The following CADM2 variants were observed in gnomAD, a reference collection of about 807,000 sequenced individuals.
The protein encoded by CADM2 is cell adhesion molecule 2, also known as immunoglobulin superfamily member 4D.
CADM2 carries 12 observed loss-of-function variants against 49.8 expected under a neutral mutation model. The observed-to-expected ratio is 0.24, with a 90% CI of 0.15 to 0.39. CADM2 has a LOEUF of 0.39. Ranked by LOEUF, CADM2 falls within the 10% of genes least tolerant of loss-of-function variation. The pLI, the probability that CADM2 is intolerant of heterozygous loss-of-function variation, is 1.00. For missense variants in CADM2, 378 were observed against 492.3 expected, an observed-to-expected ratio of 0.77 and a Z score of 2.20; for synonymous variants, 214 against 175.4, an observed-to-expected ratio of 1.22 and a Z score of -1.74.
At chr3:84,996,862 T>A (rs1426497141) in intron 1 of CADM2, among the ~76,000 whole-genome samples, 1 of 152,080 alleles carries the variant, frequency 6.6e-6, no homozygotes, top group Non-Finnish European at 1.5e-5. Flanking sequence ...TCCTTACAAA[T>A]AAGTTGAATT....
intron 1 of CADM2, among the ~76,000 whole-genome samples, chr3:85,347,896 C>T (rs1003933422): frequency 2.6e-5 from 4 of 151,632 alleles, no homozygotes; most frequent in South Asian, 2.1e-4. Flanking sequence ...CAAGCTCCGC[C>T]TCCTAGGTTC....
intron 1 of CADM2, among the ~76,000 whole-genome samples, chr3:85,102,223 A>T (rs527385963): frequency 6.6e-6 from 1 of 152,270 alleles, no homozygotes; most frequent in South Asian, 2.1e-4. Flanking sequence ...CAATACTGTG[A>T]CATTTCCGTT....
At chr3:85,394,265 G>GT (rs1409628504) in intron 1 of CADM2, among the ~76,000 whole-genome samples, 5 of 151,770 alleles carry the variant, frequency 3.3e-5, no homozygotes, top group Non-Finnish European at 7.4e-5. Flanking sequence ...ACATTTTTGA[G>GT]TTTTCCATTG....
chr3:86,017,397 T>C (rs1321889305), intron 8 of CADM2, among the ~76,000 whole-genome samples: 1 of 152,058 alleles, frequency 6.6e-6, no homozygotes, highest in Non-Finnish European at 1.5e-5. Context: ...AAAATATTTT[T>C]ACTTGATCAT....
At chr3:85,843,781 A>C (rs540342960) in intron 3 of CADM2, among the ~76,000 whole-genome samples, 1 of 152,228 alleles carries the variant, frequency 6.6e-6, no homozygotes, top group East Asian at 1.9e-4. Context: ...AGAAGCTAAA[A>C]CACCAGGAGA....
chr3:85,557,249 A>G (rs2061982568), intron 1 of CADM2, among the ~76,000 whole-genome samples: 1 of 152,072 alleles, frequency 6.6e-6, no homozygotes, highest in Non-Finnish European at 1.5e-5. Flanking sequence ...ATTTATGTGT[A>G]TGTAGATACA....
intron 1 of CADM2, among the ~76,000 whole-genome samples, chr3:85,722,005 C>A (rs769018153): frequency 6.6e-6 from 1 of 152,120 alleles, no homozygotes; most frequent in Non-Finnish European, 1.5e-5. Flanking sequence ...TTCCTGTCTA[C>A]GGGCAGGTTG....
intron 1 of CADM2, among the ~76,000 whole-genome samples, chr3:85,677,257 G>T (rs1423369934): frequency 6.6e-6 from 1 of 152,070 alleles, no homozygotes; most frequent in African/African-American, 2.4e-5. Flanking sequence ...TGATAAGTCA[G>T]GAACTTGAAT....
intron 8 of CADM2, among the ~76,000 whole-genome samples, chr3:86,032,458 G>A (rs896211202): frequency 4.0e-5 from 6 of 151,860 alleles, no homozygotes; most frequent in Middle Eastern, 3.4e-3. Context: ...GTATCAGAAA[G>A]CAATAGCTAA....
chr3:85,936,607 C>A lies in CADM2; in HGVS notation c.791+750C>A, dbSNP rs577893582. Among the ~76,000 whole-genome samples the A allele has an allele frequency of 1.6e-3, 235 of 151,600 alleles. 1 individual carries two copies. The highest frequency in any genetic ancestry group is 2.5e-3 in the Non-Finnish European group (169 of 67,666). On this transcript the variant is annotated intron_variant, in intron 7 of 9. Coordinates refer to ENST00000383699, the MANE Select transcript of CADM2 (RefSeq NM_001167675.2). ...TAAAAGATTCCAATTTATTTTAATT[C>A]TGTTTAAATTTTAATAGAAGGAATT...
intron 1 of CADM2, among the ~76,000 whole-genome samples, chr3:85,695,823 G>A (rs1174279920): frequency 6.6e-6 from 1 of 152,058 alleles, no homozygotes; most frequent in Non-Finnish European, 1.5e-5. Context: ...AGTTCTTTGA[G>A]AAATCTCCAT....
At chr3:85,162,670 A>G (rs1215338306) in intron 1 of CADM2, among the ~76,000 whole-genome samples, 5 of 152,140 alleles carry the variant, frequency 3.3e-5, no homozygotes, top group Non-Finnish European at 7.4e-5. Flanking sequence ...ACTGTTATTA[A>G]CATAGTATTT....
chr3:85,637,015 T>A (rs1202374631), intron 1 of CADM2, among the ~76,000 whole-genome samples: 1 of 152,202 alleles, frequency 6.6e-6, no homozygotes, highest in Non-Finnish European at 1.5e-5. Context: ...TATCCCATTA[T>A]AATCTTTCTT....
chr3:85,338,240 A>G (rs908902395), intron 1 of CADM2, among the ~76,000 whole-genome samples: 9 of 151,706 alleles, frequency 5.9e-5, no homozygotes, highest in Admixed American at 1.3e-4. Flanking sequence ...TGTGTCCCAT[A>G]TCACAGGCAG....
intron 1 of CADM2, among the ~76,000 whole-genome samples, chr3:85,123,302 G>C (rs748919378): frequency 2.6e-5 from 4 of 152,152 alleles, no homozygotes; most frequent in South Asian, 2.1e-4. Context: ...GAGGTTTCTT[G>C]TTATTCCTTA....
At chr3:85,384,860 A>T in intron 1 of CADM2, among the ~76,000 whole-genome samples, 1 of 152,114 alleles carries the variant, frequency 6.6e-6, no homozygotes, top group East Asian at 1.9e-4. Flanking sequence ...AAGAAAGATT[A>T]TATACCCAAT....
chr3:85,900,455 T>A (rs918388505), intron 5 of CADM2, among the ~76,000 whole-genome samples: 1 of 152,152 alleles, frequency 6.6e-6, no homozygotes, highest in Non-Finnish European at 1.5e-5. Context: ...AGGAATTTAG[T>A]CTTGTTATGA....
chr3:85,518,772 A>C (rs1413342313), intron 1 of CADM2, among the ~76,000 whole-genome samples: 1 of 152,058 alleles, frequency 6.6e-6, no homozygotes, highest in African/African-American at 2.4e-5. Flanking sequence ...CTCATTAAGG[A>C]CATTGTAATG....
chr3:85,369,742 T>C (rs1347640958), intron 1 of CADM2, among the ~76,000 whole-genome samples: 1 of 152,200 alleles, frequency 6.6e-6, no homozygotes, highest in Non-Finnish European at 1.5e-5. Context: ...AATAGTATTA[T>C]TTTAAAGAGG....
Sources: allele counts gnomAD v4.1 joint callset (sites outside exome capture counted in the v4.1 genomes callset), GRCh38; gene constraint gnomAD v4.1.1; transcripts MANE v1.5; gene names NCBI Gene and HGNC (gene_info 2026-07-23, HGNC 2026-07-21).